The following EARS2 variants were observed in gnomAD, a reference collection of about 807,000 sequenced individuals.
The protein encoded by EARS2 is nondiscriminating glutamyl-tRNA synthetase EARS2, mitochondrial.
Under a neutral mutation model 54.1 loss-of-function variants are expected in EARS2, and 50 were observed. The ratio of observed to expected loss-of-function variants is 0.92; its 90% CI spans 0.74 to 1.17. The LOEUF (loss-of-function observed/expected upper bound fraction) is 1.17, where lower values mean the gene tolerates loss of function less well. EARS2 is among the 50% of genes most tolerant of loss of function. The pLI, the probability that EARS2 is intolerant of heterozygous loss-of-function variation, is 0.00. For synonymous variants in EARS2, 298 were observed against 281.0 expected, an observed-to-expected ratio of 1.06 and a Z score of -0.61; for missense variants, 673 against 675.0, an observed-to-expected ratio of 1.00 and a Z score of 0.03.
chr16:23,529,386 A>C, intron 7 of EARS2, 116 bp downstream of exon 7: 1 of 1,343,196 alleles, frequency 7.4e-7, no homozygotes, highest in Non-Finnish European at 1.0e-6. Context: ...TCACTTCTTC[A>C]CTGGCCATGG....
At chr16:23,543,529 C>G (rs967667102) in intron 3 of EARS2, among the ~76,000 whole-genome samples, 3 of 151,800 alleles carry the variant, frequency 2.0e-5, no homozygotes, top group African/African-American at 7.3e-5. Flanking sequence ...AGGTGGATCA[C>G]CTGAGGTTGG....
At chr16:23,537,957 C>T (rs907226971) in intron 3 of EARS2, among the ~76,000 whole-genome samples, 2 of 151,806 alleles carry the variant, frequency 1.3e-5, no homozygotes, top group Non-Finnish European at 1.5e-5. Context: ...CCATGCCTGG[C>T]TAATTTTTGT....
At chr16:23,551,323 G>C (rs1474901118) in intron 2 of EARS2, among the ~76,000 whole-genome samples, 1 of 152,140 alleles carries the variant, frequency 6.6e-6, no homozygotes, top group Non-Finnish European at 1.5e-5. Flanking sequence ...GTGAAAACAG[G>C]AATCTCAAAA....
rs768215716 is a variant in EARS2 at position 23,529,751 on chromosome 16, A to G, written c.1214T>C (p.Leu405Pro). The change falls in exon 6 of 9, where the codon CTG becomes CCG. Residue 405 changes from leucine to proline, a missense_variant. Physicochemically the swap from Leu to Pro is moderately conservative, Grantham distance 98. Transcript: ENST00000449606. ...AGAATCCTGACACCACACCTGTCTC[A>G]GCAGGAGGATCCTCTCCACGTAGAC... ...NPVYVERILLLRQGHICRLQD... is the reference protein window; with the variant it reads ...NPVYVERILLPRQGHICRLQD... 1 of 1,614,156 alleles carries G rather than the reference A, an allele frequency of 6.2e-7. No homozygotes were observed.
Position 23,529,543 on chromosome 16 carries a change from G to C in EARS2, c.1311C>G (p.Ala437=). 6.2e-7 allele frequency: 1 copy of C among 1,614,154 alleles called. No individual in the cohort carries two copies. The highest frequency in any genetic ancestry group is 1.3e-5 in the African/African-American group (1 of 75,052). ...CAATCACATCCACCTTCTCCGAGATGGCGTCCAGCTGTGCTCGACCTACTG... is the reference window on the plus strand; with the variant it reads ...CAATCACATCCACCTTCTCCGAGATCGCGTCCAGCTGTGCTCGACCTACTG... The part of the protein sequence containing the change: ...RPAVGRAQLD[A]ISEKVDVIAK... Residue 437 remains alanine (A), a synonymous_variant, in exon 7 of 9, where the codon GCC becomes GCG. Transcript: ENST00000449606.
At position 23,525,275 on chromosome 16, in the gene EARS2, T is replaced by C. The variant is rs1965206509; in HGVS notation, c.1457A>G (p.Lys486Arg). ...LEGTKYSNVM[K>R]LLRMALSGQQ... ...TCCACTGAGGGCCATCCGAAGGAGT[T>C]TCATCACATTACTGTACTTGGTGCC... The change falls in exon 8 of 9, where the codon AAA becomes AGA. Residue 486 changes from lysine (K) to arginine (R), a missense_variant. By Grantham distance (26) the Lys-to-Arg change is conservative. Around this residue, in one of 3 missense-constraint regions of EARS2, gnomAD observed 338 missense variants for 361.2 expected, o/e 0.94. Coordinates refer to ENST00000449606, the MANE Select transcript of EARS2 (RefSeq NM_001083614.2). The C allele has an allele frequency of 6.2e-7, 1 of 1,613,984 alleles. No homozygotes were observed. Among genetic ancestry groups the C allele is most frequent in the Admixed American group, 1.7e-5 (1 of 59,978 alleles).
intron 4 of EARS2, 101 bp from the exon 5 acceptor site, chr16:23,532,866 G>T: frequency 2.6e-6 from 2 of 770,416 alleles, no homozygotes; most frequent in Non-Finnish European, 4.2e-6. Context: ...TGCTGCCCAG[G>T]TTGGAGTGCA....
At chr16:23,544,811 A>C in intron 2 of EARS2, 108 bp from the exon 3 acceptor site, 6 of 1,059,410 alleles carry the variant, frequency 5.7e-6, no homozygotes, top group South Asian at 1.7e-5. Flanking sequence ...ATAACAATCC[A>C]TGAGGTTGGC....
chr16:23,535,565 C>A, intron 3 of EARS2: 1 of 593,612 alleles, frequency 1.7e-6, no homozygotes, highest in East Asian at 2.8e-5. Context: ...TATCTACCAG[C>A]CATTCCACGC....
intron 1 of EARS2, among the ~76,000 whole-genome samples, 160 bp from the exon 2 acceptor site, chr16:23,552,464 G>A (rs1311237370): frequency 6.6e-6 from 1 of 152,188 alleles, no homozygotes; most frequent in Non-Finnish European, 1.5e-5. Context: ...GGAGGCCAAG[G>A]CCGGGGGGAT....
At chr16:23,547,162 TATG>T (rs78793504) in intron 2 of EARS2, among the ~76,000 whole-genome samples, 10,563 of 152,270 alleles carry the variant, frequency 0.069, 525 homozygotes, top group Non-Finnish European at 0.1. Flanking sequence ...GGTATAACCA[TATG>T]ATGAATATTA....
At position 23,544,436 on chromosome 16, in the gene EARS2, G is replaced by A. The variant is rs772082717; in HGVS notation, c.485+78C>T. On this transcript the variant is annotated intron_variant, in intron 3 of 8. Transcript: ENST00000449606. ...GAAACTGAGAGGTAATACATGTTTA[G>A]GGGAATTTCTTACGCAGCACAAGGT... The A allele has an allele frequency of 2.8e-6, 4 of 1,404,156 alleles. No individual in the cohort carries two copies. In the South Asian group the frequency reaches 5.4e-5, roughly 19 times the overall value. 87.0% of individuals were successfully genotyped at this position (1,404,156 alleles called of 1,614,324 possible).
At chr16:23,525,080 A>G in intron 8 of EARS2, 164 bp downstream of exon 8, 1 of 831,778 alleles carries the variant, frequency 1.2e-6, no homozygotes, top group Non-Finnish European at 2.0e-6. Flanking sequence ...GCTTGCACAT[A>G]GTAGGTACTC....
At chr16:23,533,385 TC>T (rs1965358674) in intron 4 of EARS2, among the ~76,000 whole-genome samples, 3 of 152,154 alleles carry the variant, frequency 2.0e-5, no homozygotes, top group African/African-American at 7.2e-5. Context: ...TAAATGATCC[TC>T]CTGCACTGGC....
rs763175275 is a variant in EARS2, at chr16:23,523,051, T to C, written c.*1320A>G. 6 of 152,226 alleles carry C rather than the reference T, an allele frequency of 3.9e-5. No individual in the cohort carries two copies. The highest frequency in any genetic ancestry group is 5.9e-5 in the Non-Finnish European group (4 of 68,048). 9.4% of individuals were successfully genotyped at this position (152,226 alleles called of 1,614,324 possible). Reference sequence around the variant, plus strand: ...AGAAGCCACGATGTATTTTATGACTTACCCTCAGAAGTCAAACTCTCATTT... The same window carrying C: ...AGAAGCCACGATGTATTTTATGACTCACCCTCAGAAGTCAAACTCTCATTT... On this transcript the variant is annotated 3_prime_UTR_variant, in exon 9 of 9. Coordinates refer to ENST00000449606, the MANE Select transcript of EARS2 (RefSeq NM_001083614.2).
intron 2 of EARS2, 87 bp downstream of exon 2, chr16:23,552,062 C>T: frequency 6.6e-7 from 1 of 1,517,632 alleles, no homozygotes; most frequent in Non-Finnish European, 8.9e-7. Context: ...CCATTTTCCA[C>T]TCAGAACTCC....
Position 23,529,579 on chromosome 16 carries a change from C to A in EARS2, c.1275G>T (p.Trp425Cys). ...DLVSPVYSYL[W>C]TRPAVGRAQL... ...GTGCTCGACCTACTGCAGGGCGAGTCCACAGGTAAGAGTATACTGGGGACA... is the reference window on the plus strand; with the variant it reads ...GTGCTCGACCTACTGCAGGGCGAGTACACAGGTAAGAGTATACTGGGGACA... Residue 425 changes from tryptophan to cysteine, a missense_variant, in exon 7 of 9, where the codon TGG (tryptophan) becomes TGT (cysteine). Around this residue, in one of 3 missense-constraint regions of EARS2, gnomAD observed 338 missense variants for 361.2 expected, o/e 0.94. Coordinates refer to ENST00000449606, the MANE Select transcript of EARS2 (RefSeq NM_001083614.2). The A allele has an allele frequency of 3.1e-6, 5 of 1,614,130 alleles. No homozygotes were observed. Among genetic ancestry groups the A allele is most frequent in the Non-Finnish European group, 4.2e-6 (5 of 1,180,020 alleles).
At chr16:23,526,292 A>G (rs953056602) in intron 7 of EARS2, among the ~76,000 whole-genome samples, 4 of 151,826 alleles carry the variant, frequency 2.6e-5, no homozygotes, top group African/African-American at 9.7e-5. Context: ...TTGTATTTTT[A>G]GTAGAGACAG....
intron 8 of EARS2, chr16:23,524,955 A>G: frequency 1.7e-6 from 1 of 572,050 alleles, no homozygotes; most frequent in Non-Finnish European, 3.1e-6. Flanking sequence ...TGATTTTCCC[A>G]TATTAAGTAA....
Sources: gnomAD v4.1 joint callset for allele counts (sites outside exome capture counted in the v4.1 genomes callset) on GRCh38, gnomAD v4.1.1 for gene constraint, gnomAD v4.1.1 regional missense constraint, MANE v1.5 for transcripts, NCBI Gene and HGNC (gene_info 2026-07-23, HGNC 2026-07-21) for gene names.